Variants in FKTN observed in about 807,000 individuals in gnomAD.
FKTN encodes fukutin.
FKTN carries 47 observed loss-of-function variants against 58.6 expected under a neutral mutation model. The ratio of observed to expected loss-of-function variants is 0.80; its 90% CI spans 0.63 to 1.02. FKTN has a LOEUF of 1.02. Among genes scored for constraint, FKTN ranks in the 50% least tolerant of loss-of-function variants. FKTN has a pLI of 0.00. For synonymous variants in FKTN, 178 were observed against 191.9 expected, an observed-to-expected ratio of 0.93 and a Z score of 0.60; for missense variants, 516 against 537.3, an observed-to-expected ratio of 0.96 and a Z score of 0.39.
In FKTN at chr9:105,618,033, T is replaced by C; in HGVS notation, c.985T>C (p.Ser329Pro). 6.2e-7 allele frequency: 1 copy of C among 1,606,152 alleles called. No individual in the cohort carries two copies. The highest frequency in any genetic ancestry group is 8.5e-7 in the Non-Finnish European group (1 of 1,172,714). ...DLGIFIQDYK[S>P]DIILAFQDAG... Reference sequence around the variant, plus strand: ...AGGAATTTTTATACAAGATTACAAATCTGATATTATTTTAGCATTTCAGGA... The same window carrying C: ...AGGAATTTTTATACAAGATTACAAACCTGATATTATTTTAGCATTTCAGGA... The change falls in exon 9 of 11, where the codon TCT becomes CCT. Residue 329 changes from serine to proline, a missense_variant. Ser to Pro is a moderately conservative substitution (Grantham distance 74). Coordinates refer to ENST00000357998, the MANE Select transcript of FKTN (RefSeq NM_001079802.2).
chr9:105,606,113 A>C (rs989565975), intron 6 of FKTN, among the ~76,000 whole-genome samples: 2 of 152,094 alleles, frequency 1.3e-5, no homozygotes, highest in African/African-American at 4.8e-5. Flanking sequence ...ATGTTCATGG[A>C]TGTATACCCT....
chr9:105,578,333 A>G (rs1340191173), intron 3 of FKTN, among the ~76,000 whole-genome samples: 1 of 147,484 alleles, frequency 6.8e-6, no homozygotes, highest in Non-Finnish European at 1.5e-5. Flanking sequence ...TATCATTTTG[A>G]AATACGTCCC....
rs774612427 is a variant in FKTN at position 105,604,483 on chromosome 9, C to G, written c.638C>G (p.Ala213Gly). 12 of 1,613,730 alleles carry G rather than the reference C, an allele frequency of 7.4e-6. No homozygotes were observed. In the South Asian group the frequency reaches 7.7e-5, roughly 10 times the overall value. Residue 213 changes from alanine to glycine, a missense_variant, in exon 6 of 11, where the codon GCT becomes GGT. Physicochemically the swap from Ala to Gly is moderately conservative, Grantham distance 60 (BLOSUM62 0). Transcript: ENST00000357998. ...RKLQFGRYPG[A>G]FDRPELQQVT... The stretch of plus-strand genomic sequence containing the variant: ...TTACAGTTTGGTCGTTATCCAGGAG[C>G]TTTTGACAGGTAAGTTCAGAGTCAA...
chr9:105,607,996 G>A, intron 7 of FKTN, 45 bp downstream of exon 7: 1 of 1,555,780 alleles, frequency 6.4e-7, no homozygotes, highest in Non-Finnish European at 8.9e-7. Flanking sequence ...AGAAAATGTT[G>A]GGATTATTTT....
chr9:105,600,984 T>C (rs764988209), intron 4 of FKTN, 161 bp from the exon 5 acceptor site: 23 of 588,426 alleles, frequency 3.9e-5, no homozygotes, highest in Non-Finnish European at 6.7e-5. Context: ...GCAGAGACCA[T>C]ATGTGCTATT....
At chr9:105,566,150 A>G (rs914414641) in intron 1 of FKTN, among the ~76,000 whole-genome samples, 3 of 152,212 alleles carry the variant, frequency 2.0e-5, no homozygotes, top group Non-Finnish European at 4.4e-5. Context: ...GTTTAAAGCA[A>G]TGTGTAGAGG....
In FKTN at chr9:105,577,519, T is replaced by C. The variant is rs1841966621; in HGVS notation, c.105+2382T>C. The stretch of plus-strand genomic sequence containing the variant: ...TTTCTGAGGGCTCTGTTCTGTTCCA[T>C]TGATCTATATCTCTGTTTTGGTACC... On this transcript the variant is annotated intron_variant, in intron 3 of 10. Transcript: ENST00000357998. Among the ~76,000 whole-genome samples, 3 of 144,324 alleles carry C rather than the reference T, an allele frequency of 2.1e-5. No homozygotes were observed. The South Asian group carries it at 6.6e-4, about 32-fold the overall frequency. 94.7% of individuals were successfully genotyped at this position (144,324 alleles called of 152,430 possible).
At chr9:105,630,162 G>A (rs1209630618) in intron 10 of FKTN, among the ~76,000 whole-genome samples, 1 of 151,812 alleles carries the variant, frequency 6.6e-6, no homozygotes. Flanking sequence ...TAACAAACTG[G>A]CACGTTGTGC....
intron 5 of FKTN, chr9:105,603,671 T>G (rs973681427): frequency 6.6e-6 from 1 of 151,878 alleles, no homozygotes; most frequent in African/African-American, 2.5e-5. Flanking sequence ...TTTCATAGAG[T>G]TTTTTTTGTT....
At chr9:105,574,301 G>A (rs1389105020) in intron 2 of FKTN, 4 of 152,192 alleles carry the variant, frequency 2.6e-5, no homozygotes, top group Middle Eastern at 3.4e-3. Flanking sequence ...AGAACTAAAT[G>A]TGTTTAACCA....
At position 105,567,873 on chromosome 9, in the gene FKTN, G is replaced by A. The variant is rs574958200; in HGVS notation, c.-180-5782G>A. Among the ~76,000 whole-genome samples, 1,372 of 152,154 alleles carry A rather than the reference G, an allele frequency of 9.0e-3. 20 individuals are homozygous for A. Among genetic ancestry groups the A allele is most frequent in the African/African-American group, 0.031 (1,306 of 41,488 alleles). On this transcript the variant is annotated intron_variant, in intron 1 of 10. Coordinates refer to ENST00000357998, the MANE Select transcript of FKTN (RefSeq NM_001079802.2). ...AAAAGAACAAAGCTGGAGGCATCAC[G>A]CTACCTGACTTCAAACTATACTACA...
chr9:105,619,764 G>T, intron 9 of FKTN, 170 bp from the exon 10 acceptor site: 2 of 536,874 alleles, frequency 3.7e-6, no homozygotes, highest in Admixed American at 3.1e-5. Flanking sequence ...TGTTACTGAT[G>T]CATCCCAATT....
chr9:105,581,675 T>G (rs1490557810), intron 3 of FKTN, among the ~76,000 whole-genome samples: 1 of 152,220 alleles, frequency 6.6e-6, no homozygotes, highest in African/African-American at 2.4e-5. Flanking sequence ...CAGGCCTCCT[T>G]GAACTGTGGT....
intron 8 of FKTN, among the ~76,000 whole-genome samples, chr9:105,615,963 T>TA (rs1376973812): frequency 1.3e-5 from 2 of 152,238 alleles, no homozygotes; most frequent in Non-Finnish European, 2.9e-5. Context: ...ATAAAATGCC[T>TA]ACATGATGAG....
chr9:105,578,703 T>C (rs1842256869), intron 3 of FKTN, among the ~76,000 whole-genome samples: 1 of 151,822 alleles, frequency 6.6e-6, no homozygotes, highest in Non-Finnish European at 1.5e-5. Flanking sequence ...TTAGGGAGGA[T>C]TCCCTCTTTT....
chr9:105,606,346 T>C (rs1828887141), intron 6 of FKTN, among the ~76,000 whole-genome samples: 1 of 152,024 alleles, frequency 6.6e-6, no homozygotes, highest in African/African-American at 2.4e-5. Context: ...AATAAAAATA[T>C]TTCTTGTGAG....
chr9:105,633,781 C>T (rs533126041), intron 10 of FKTN, among the ~76,000 whole-genome samples: 3 of 152,250 alleles, frequency 2.0e-5, no homozygotes, highest in African/African-American at 7.2e-5. Context: ...TAGTAAAACA[C>T]GATATTCAAA....
intron 8 of FKTN, among the ~76,000 whole-genome samples, chr9:105,616,745 A>G (rs999282751): frequency 1.3e-5 from 2 of 152,172 alleles, no homozygotes; most frequent in Non-Finnish European, 2.9e-5. Context: ...GAGACTTGAG[A>G]GTGAAAGGAA....
At chr9:105,578,153 C>A (rs1463152200) in intron 3 of FKTN, among the ~76,000 whole-genome samples, 5 of 150,224 alleles carry the variant, frequency 3.3e-5, no homozygotes, top group African/African-American at 1.2e-4. Context: ...TAATTGAATA[C>A]CCTTTATTTC....
Sources: allele counts gnomAD v4.1 joint callset (sites outside exome capture counted in the v4.1 genomes callset), GRCh38; gene constraint gnomAD v4.1.1; transcripts MANE v1.5; gene names NCBI Gene and HGNC (gene_info 2026-07-23, HGNC 2026-07-21).